Variants in ARHGAP24 observed in about 807,000 individuals in gnomAD.
ARHGAP24 encodes the protein Rho GTPase activating protein 24, also known as rho GTPase-activating protein 24.
A neutral mutation model predicts 76.4 loss-of-function variants in ARHGAP24; 50 were observed. The ratio of observed to expected loss-of-function variants is 0.65; its 90% CI spans 0.52 to 0.83. ARHGAP24 has a LOEUF of 0.83. ARHGAP24 is among the 40% of genes least tolerant of loss of function. The pLI is 0.00. For synonymous variants in ARHGAP24, 345 were observed against 323.3 expected (o/e 1.07, Z -0.72); for missense variants, 930 against 914.2 (o/e 1.02, Z -0.22).
intron 1 of ARHGAP24, among the ~76,000 whole-genome samples, chr4:85,542,037 A>G (rs1420967464): frequency 6.6e-6 from 1 of 152,176 alleles, no homozygotes; most frequent in Non-Finnish European, 1.5e-5. Flanking sequence ...TTTGAAAGTA[A>G]AGAGGTGACC....
intron 2 of ARHGAP24, among the ~76,000 whole-genome samples, chr4:85,656,189 A>C (rs1225355820): frequency 6.6e-6 from 1 of 152,200 alleles, no homozygotes; most frequent in Non-Finnish European, 1.5e-5. Context: ...TTTTCTTTAG[A>C]GACAATTCTG....
At chr4:85,561,200 C>T (rs1726583740) in intron 1 of ARHGAP24, among the ~76,000 whole-genome samples, 1 of 152,094 alleles carries the variant, frequency 6.6e-6, no homozygotes, top group East Asian at 1.9e-4. Flanking sequence ...GTGGTGGCAC[C>T]AGGGAAGCCT....
intron 2 of ARHGAP24, among the ~76,000 whole-genome samples, chr4:85,589,142 T>C (rs1026622380): frequency 3.9e-5 from 6 of 152,214 alleles, no homozygotes; most frequent in African/African-American, 1.4e-4. Context: ...GGTATTTGCA[T>C]GTAGGTGAAT....
chr4:85,610,451 CAAAAAAAAAAAAAAAAAA>C (rs57348830), intron 2 of ARHGAP24, among the ~76,000 whole-genome samples: 9 of 51,242 alleles, frequency 1.8e-4, no homozygotes, highest in South Asian at 2.7e-3. Flanking sequence ...ACTCCATCTA[CAAAAAAAAAAAAAAAAAA>C]AAAAAAAAAA....
At chr4:85,605,660 T>G (rs1720168837) in intron 2 of ARHGAP24, among the ~76,000 whole-genome samples, 1 of 152,230 alleles carries the variant, frequency 6.6e-6, no homozygotes, top group East Asian at 1.9e-4. Flanking sequence ...TTATGTACAG[T>G]AAACTCTCAC....
At chr4:85,661,787 G>T (rs1231017324) in intron 2 of ARHGAP24, among the ~76,000 whole-genome samples, 1 of 151,680 alleles carries the variant, frequency 6.6e-6, no homozygotes, top group Non-Finnish European at 1.5e-5. Flanking sequence ...TTGTCCTTGT[G>T]ATAGTTTACT....
intron 8 of ARHGAP24, among the ~76,000 whole-genome samples, chr4:85,988,595 G>A (rs1056292741): frequency 6.6e-6 from 1 of 150,962 alleles, no homozygotes; most frequent in Non-Finnish European, 1.5e-5. Context: ...AAAATGGAAT[G>A]TTATATAATA....
intron 2 of ARHGAP24, among the ~76,000 whole-genome samples, chr4:85,588,678 A>G (rs2109978379): frequency 6.6e-6 from 1 of 152,358 alleles, no homozygotes; most frequent in East Asian, 1.9e-4. Flanking sequence ...ATTACAGAGA[A>G]GTATATATTA....
chr4:85,750,485 C>CTTTTTTTT (rs60635375), intron 3 of ARHGAP24, among the ~76,000 whole-genome samples: 7 of 61,640 alleles, frequency 1.1e-4, no homozygotes, highest in African/African-American at 4.1e-4. Flanking sequence ...CTTTTCATTC[C>CTTTTTTTT]TTTTTTTTTT....
intron 2 of ARHGAP24, among the ~76,000 whole-genome samples, chr4:85,575,733 A>C (rs1181569246): frequency 1.3e-5 from 2 of 152,118 alleles, no homozygotes; most frequent in Non-Finnish European, 2.9e-5. Flanking sequence ...TCCAGTGATA[A>C]ATTTTCCTAA....
At chr4:85,960,495 G>A (rs1190701069) in intron 5 of ARHGAP24, among the ~76,000 whole-genome samples, 1 of 152,108 alleles carries the variant, frequency 6.6e-6, no homozygotes, top group Non-Finnish European at 1.5e-5. Context: ...ACTCAAAGAA[G>A]GTGGAGGATT....
At chr4:85,683,109 T>TGGGGGGGGGGG (rs1205882687) in intron 2 of ARHGAP24, among the ~76,000 whole-genome samples, 3 of 17,480 alleles carry the variant, frequency 1.7e-4, no homozygotes, top group Non-Finnish European at 3.9e-4. Flanking sequence ...TCTCAGTGTG[T>TGGGGGGGGGGG]GGGGGGGTGG....
intron 3 of ARHGAP24, among the ~76,000 whole-genome samples, chr4:85,888,402 G>GAAAAAAA (rs377665282): frequency 4.0e-5 from 5 of 125,132 alleles, no homozygotes; most frequent in Admixed American, 8.6e-5. Flanking sequence ...TTCCTCTCAA[G>GAAAAAAA]AAAAAAAAAA....
intron 1 of ARHGAP24, among the ~76,000 whole-genome samples, chr4:85,556,083 G>A (rs1470911368): frequency 3.3e-5 from 5 of 152,104 alleles, no homozygotes; most frequent in Admixed American, 2.6e-4. Flanking sequence ...ATGTTCAGCT[G>A]GTGGGTGGGG....
At chr4:85,984,706 C>T (rs1160355353) in intron 8 of ARHGAP24, among the ~76,000 whole-genome samples, 1 of 152,174 alleles carries the variant, frequency 6.6e-6, no homozygotes, top group East Asian at 1.9e-4. Flanking sequence ...GCTGGAAAGA[C>T]TTCACAATAT....
intron 8 of ARHGAP24, among the ~76,000 whole-genome samples, chr4:85,985,512 A>G (rs1372277431): frequency 6.6e-6 from 1 of 152,204 alleles, no homozygotes; most frequent in East Asian, 1.9e-4. Flanking sequence ...GGAGAGGATC[A>G]GGAAAAATAA....
chr4:85,997,459 A>T (rs1291309062), intron 9 of ARHGAP24, among the ~76,000 whole-genome samples: 1 of 152,006 alleles, frequency 6.6e-6, no homozygotes, highest in Non-Finnish European at 1.5e-5. Context: ...TGTTTAAATC[A>T]TTTATAACTT....
intron 1 of ARHGAP24, among the ~76,000 whole-genome samples, chr4:85,511,503 G>T (rs1360639167): frequency 6.6e-6 from 1 of 151,750 alleles, no homozygotes; most frequent in Non-Finnish European, 1.5e-5. Flanking sequence ...TGTTCTTGTT[G>T]CCCAGCTGGA....
chr4:85,866,596 A>C (rs781383351), intron 3 of ARHGAP24, among the ~76,000 whole-genome samples: 1 of 152,268 alleles, frequency 6.6e-6, no homozygotes, highest in South Asian at 2.1e-4. Flanking sequence ...TTTATGCTCA[A>C]ACCAATGGTT....
Sources: gnomAD v4.1 joint callset for allele counts (sites outside exome capture counted in the v4.1 genomes callset) on GRCh38, gnomAD v4.1.1 for gene constraint, MANE v1.5 for transcripts, NCBI Gene and HGNC (gene_info 2026-07-23, HGNC 2026-07-21) for gene names.